ARID5B: variants seen among roughly 807,000 people sequenced by gnomAD.
ARID5B encodes the protein AT-rich interaction domain 5B, also known as AT-rich interactive domain-containing protein 5B.
ARID5B carries 13 observed loss-of-function variants against 97.2 expected under a neutral mutation model. The observed-to-expected ratio is 0.13, with a 90% CI of 0.09 to 0.21. The LOEUF is 0.21. Among genes scored for constraint, ARID5B ranks in the 10% least tolerant of loss-of-function variants. The pLI is 1.00. For synonymous variants in ARID5B, 556 were observed against 570.3 expected, an observed-to-expected ratio of 0.97 and a Z score of 0.36; for missense variants, 1,210 against 1,465.3, an observed-to-expected ratio of 0.83 and a Z score of 2.84.
chr10:62,067,285 G>T (rs934388793), intron 7 of ARID5B, among the ~76,000 whole-genome samples: 1 of 152,178 alleles, frequency 6.6e-6, no homozygotes, highest in Non-Finnish European at 1.5e-5. Context: ...GTTTCTCCAT[G>T]TTGGTCAGGC....
chr10:62,055,127 C>T (rs1444052124), intron 5 of ARID5B, among the ~76,000 whole-genome samples: 1 of 152,184 alleles, frequency 6.6e-6, no homozygotes. Context: ...AATCACATTT[C>T]TAAGTGGTAG....
intron 6 of ARID5B, among the ~76,000 whole-genome samples, chr10:62,058,127 T>C (rs543602404): frequency 7.6e-4 from 116 of 152,318 alleles, no homozygotes; most frequent in African/African-American, 2.6e-3. Flanking sequence ...ACATACCTAA[T>C]AGCAATTGGC....
intron 2 of ARID5B, among the ~76,000 whole-genome samples, chr10:61,933,886 C>G (rs1348032134): frequency 1.3e-5 from 2 of 152,202 alleles, no homozygotes; most frequent in African/African-American, 4.8e-5. Context: ...GAAGAATCAG[C>G]CTGTCCTCTG....
intron 3 of ARID5B, among the ~76,000 whole-genome samples, chr10:61,977,885 A>T (rs1180554936): frequency 1.3e-5 from 2 of 152,154 alleles, no homozygotes; most frequent in Admixed American, 6.5e-5. Flanking sequence ...TTGTCAATTT[A>T]GGCTTTTGTT....
At chr10:62,006,689 C>T (rs1447948075) in intron 4 of ARID5B, among the ~76,000 whole-genome samples, 2 of 152,146 alleles carry the variant, frequency 1.3e-5, no homozygotes, top group African/African-American at 4.8e-5. Context: ...AGAGAGAAGA[C>T]CTCCTTGGGC....
At chr10:61,966,281 G>A (rs1247454266) in intron 3 of ARID5B, among the ~76,000 whole-genome samples, 1 of 152,112 alleles carries the variant, frequency 6.6e-6, no homozygotes, top group Non-Finnish European at 1.5e-5. Context: ...AAGTTAAAAA[G>A]TGGTGAGGAG....
intron 4 of ARID5B, among the ~76,000 whole-genome samples, chr10:62,044,421 C>T (rs1166817154): frequency 1.3e-5 from 2 of 150,532 alleles, no homozygotes; most frequent in Non-Finnish European, 3.0e-5. Context: ...CACTCTGTCA[C>T]CCAGGCTGGA....
chr10:61,998,500 C>G (rs1159906885), intron 3 of ARID5B, among the ~76,000 whole-genome samples: 1 of 152,100 alleles, frequency 6.6e-6, no homozygotes, highest in African/African-American at 2.4e-5. Flanking sequence ...GTGGAGGCCA[C>G]CAAAGCACGG....
chr10:62,010,277 C>A (rs78249988), intron 4 of ARID5B, among the ~76,000 whole-genome samples: 2,519 of 152,284 alleles, frequency 0.017, 80 homozygotes, highest in African/African-American at 0.058. Flanking sequence ...CTAAAAGAGT[C>A]ACTTCAGAAT....
At chr10:61,998,116 C>T (rs1839026401) in intron 3 of ARID5B, among the ~76,000 whole-genome samples, 1 of 152,176 alleles carries the variant, frequency 6.6e-6, no homozygotes, top group Non-Finnish European at 1.5e-5. Flanking sequence ...AGCAGCTAAA[C>T]ATCTCCATCC....
chr10:62,065,647 C>T (rs1234417601), intron 7 of ARID5B, among the ~76,000 whole-genome samples: 3 of 151,988 alleles, frequency 2.0e-5, no homozygotes, highest in African/African-American at 7.3e-5. Context: ...AGATCGAGAC[C>T]ATCCTGGCTA....
Position 62,092,468 on chromosome 10 carries a change from G to A in ARID5B, c.3005G>A (p.Ser1002Asn). ...MVHPILHRKMSPQNIGAARPI... is the reference protein window; with the variant it reads ...MVHPILHRKMNPQNIGAARPI... ...CACCCAATCCTGCACCGGAAAATGA[G>A]CCCGCAGAACATTGGGGCGGCGCGG... Residue 1002 changes from serine to asparagine, a missense_variant, in exon 10 of 10, where the codon AGC (serine) becomes AAC (asparagine). Ser to Asn is a conservative substitution (Grantham distance 46). Around this residue, in one of 8 missense-constraint regions of ARID5B, gnomAD observed 800 missense variants for 839.1 expected, o/e 0.95. Transcript: ENST00000279873. 6.2e-7 allele frequency: 1 copy of A among 1,614,202 alleles called. No individual in the cohort carries two copies. Among genetic ancestry groups the A allele is most frequent in the South Asian group, 1.1e-5 (1 of 91,086 alleles).
intron 3 of ARID5B, among the ~76,000 whole-genome samples, chr10:61,967,908 G>A (rs974171450): frequency 2.6e-5 from 4 of 151,928 alleles, no homozygotes; most frequent in African/African-American, 7.3e-5. Context: ...AATGCTTGTC[G>A]CATTCTTGTA....
intron 3 of ARID5B, among the ~76,000 whole-genome samples, chr10:61,975,949 A>T (rs941026467): frequency 1.3e-5 from 2 of 152,174 alleles, no homozygotes; most frequent in African/African-American, 4.8e-5. Flanking sequence ...TTTGGGGGGA[A>T]TCACATTTTG....
At chr10:61,950,334 T>C (rs1250233358) in intron 3 of ARID5B, among the ~76,000 whole-genome samples, 2 of 152,068 alleles carry the variant, frequency 1.3e-5, no homozygotes, top group African/African-American at 2.4e-5. Context: ...TAAATATCTT[T>C]TGAGAATGCA....
At chr10:61,952,479 C>T (rs1028402303) in intron 3 of ARID5B, among the ~76,000 whole-genome samples, 1 of 152,182 alleles carries the variant, frequency 6.6e-6, no homozygotes, top group African/African-American at 2.4e-5. Flanking sequence ...AAAGTCTTAA[C>T]TCTATAGTGT....
intron 3 of ARID5B, among the ~76,000 whole-genome samples, chr10:61,962,131 A>G (rs560404974): frequency 1.3e-5 from 2 of 152,326 alleles, no homozygotes; most frequent in African/African-American, 4.8e-5. Flanking sequence ...CCAAACAGTT[A>G]TTGCATAACG....
chr10:61,981,753 T>G (rs751279509), intron 3 of ARID5B, among the ~76,000 whole-genome samples: 4 of 152,208 alleles, frequency 2.6e-5, no homozygotes, highest in Non-Finnish European at 5.9e-5. Flanking sequence ...GTTTATGATC[T>G]CAAAACCCAC....
chr10:62,057,994 T>C (rs1312519113), intron 6 of ARID5B, among the ~76,000 whole-genome samples: 1 of 152,226 alleles, frequency 6.6e-6, no homozygotes, highest in Non-Finnish European at 1.5e-5. Context: ...CTGGATTTAG[T>C]GGTGCACAAA....
Sources: gnomAD v4.1 joint callset for allele counts (sites outside exome capture counted in the v4.1 genomes callset) on GRCh38, gnomAD v4.1.1 for gene constraint, gnomAD v4.1.1 regional missense constraint, MANE v1.5 for transcripts, NCBI Gene and HGNC (gene_info 2026-07-23, HGNC 2026-07-21) for gene names.